ACOT7: variants seen among roughly 807,000 people sequenced by gnomAD.
ACOT7 encodes cytosolic acyl coenzyme A thioester hydrolase.
Under a neutral mutation model 40.2 loss-of-function variants are expected in ACOT7, and 12 were observed. That is an observed-to-expected ratio of 0.30 (90% CI 0.19 to 0.48). The LOEUF is 0.48. ACOT7 is among the 20% of genes least tolerant of loss of function. The probability of loss-of-function intolerance (pLI) is 0.99; values close to 1 mark genes in which losing one functional copy is unlikely to be tolerated. For missense variants in ACOT7, 395 were observed against 530.8 expected (o/e 0.74, Z 2.51); for synonymous variants, 228 against 219.5 (o/e 1.04, Z -0.34).
intron 1 of ACOT7, among the ~76,000 whole-genome samples, chr1:6,353,086 C>T (rs568549607): frequency 1.3e-4 from 20 of 152,080 alleles, no homozygotes; most frequent in African/African-American, 4.6e-4. Flanking sequence ...GCCATGTTGC[C>T]CAGGCTGTCT....
intron 2 of ACOT7, among the ~76,000 whole-genome samples, chr1:6,349,209 G>A (rs1389265465): frequency 6.6e-6 from 1 of 151,894 alleles, no homozygotes; most frequent in Non-Finnish European, 1.5e-5. Flanking sequence ...GCCCTCCCGA[G>A]CTACACAATT....
At chr1:6,326,363 C>T (rs550361267) in intron 5 of ACOT7, among the ~76,000 whole-genome samples, 17 of 152,324 alleles carry the variant, frequency 1.1e-4, no homozygotes, top group Non-Finnish European at 2.1e-4. Context: ...GGTAGAAAGT[C>T]CTTGCTTGAG....
At position 6,359,049 on chromosome 1, in the gene ACOT7, G is replaced by A. The variant is rs535543771; in HGVS notation, c.144-9183C>T. On this transcript the variant is annotated intron_variant, in intron 1 of 8. Transcript: ENST00000361521. The surrounding 1 kb of genome is among the most constrained non-coding windows in gnomAD (Gnocchi z 4.1). ...CAATCCAGAGCGTCTACCAGAAACC[G>A]GTCGTCATGGAAACCTTGCTTTATA... is the stretch of plus-strand genomic sequence containing the variant. 1.7e-4 allele frequency: 115 copies of A among 684,904 alleles called. No individual in the cohort carries two copies. The highest frequency in any genetic ancestry group is 2.4e-4 in the Non-Finnish European group (105 of 436,296). 42.4% of individuals were successfully genotyped at this position (684,904 alleles called of 1,614,324 possible). A position where few individuals can be genotyped will look rare whatever the true frequency, so the allele number is the denominator to read the frequency against.
At chr1:6,360,240 A>T (rs967121196) in intron 1 of ACOT7, among the ~76,000 whole-genome samples, 6 of 152,176 alleles carry the variant, frequency 3.9e-5, no homozygotes, top group Admixed American at 2.6e-4. Flanking sequence ...AGAGGAGAGG[A>T]TTCTAAAGGG....
rs34990815 is a variant in ACOT7 at position 6,275,716 on chromosome 1, C to CA, written c.1014+5385dup. ...TGGGCGACAGAGTGAGGCTCCGTCT[C>CA]AAAAAAAAAAAAAAAAAAAAAAAAA... is the stretch of plus-strand genomic sequence containing the variant. On this transcript the variant is annotated intron_variant, in intron 8 of 8. Coordinates refer to ENST00000361521, the MANE Select transcript of ACOT7 (RefSeq NM_007274.4). This position sits in a 1 kb window ranked among gnomAD's most constrained non-coding sequence, Gnocchi z 5.6. Among the ~76,000 whole-genome samples the CA allele has an allele frequency of 0.16, 8,898 of 54,890 alleles. 704 individuals carry two copies. The highest frequency in any genetic ancestry group is 0.17 in the Non-Finnish European group (4,822 of 27,916). 36.0% of individuals were successfully genotyped at this position (54,890 alleles called of 152,430 possible).
chr1:6,373,087 C>T (rs1183994358), intron 1 of ACOT7, among the ~76,000 whole-genome samples: 2 of 152,168 alleles, frequency 1.3e-5, no homozygotes, highest in African/African-American at 4.8e-5. Flanking sequence ...AAAACAATTA[C>T]ACTAGTAACA....
intron 4 of ACOT7, among the ~76,000 whole-genome samples, chr1:6,332,235 G>A (rs1372873120): frequency 6.6e-6 from 1 of 152,220 alleles, no homozygotes; most frequent in African/African-American, 2.4e-5. Flanking sequence ...ACACTGCAGA[G>A]ACTCAGAATC....
chr1:6,371,154 C>T (rs545723877), intron 1 of ACOT7, among the ~76,000 whole-genome samples: 1 of 152,228 alleles, frequency 6.6e-6, no homozygotes, highest in African/African-American at 2.4e-5. Context: ...AGCAGTAGGT[C>T]TCAACGGCAG....
intron 1 of ACOT7, among the ~76,000 whole-genome samples, chr1:6,383,378 G>C (rs930402518): frequency 6.6e-6 from 1 of 150,932 alleles, no homozygotes; most frequent in East Asian, 1.9e-4. Context: ...TAGTAGAGAC[G>C]GGGTTTCACC....
rs757242139 is a variant in ACOT7 at position 6,282,633 on chromosome 1, T to C, written c.830-1347A>G. 36 of 1,059,150 alleles carry C rather than the reference T, an allele frequency of 3.4e-5. No individual in the cohort carries two copies. In the Middle Eastern group the frequency reaches 1.0e-3, roughly 30 times the overall value. 65.6% of individuals were successfully genotyped at this position (1,059,150 alleles called of 1,614,324 possible). On this transcript the variant is annotated intron_variant, in intron 7 of 8. Coordinates refer to ENST00000361521, the MANE Select transcript of ACOT7 (RefSeq NM_007274.4). This position sits in a 1 kb window ranked among gnomAD's most constrained non-coding sequence, Gnocchi z 4.5. ...GAGAAAGCGGCCAGGTGGTGGCTGT[T>C]GGAGGGCGGTTAGCAGGCCAGAGGC...
chr1:6,365,446 T>C (rs1291627018), intron 1 of ACOT7, among the ~76,000 whole-genome samples: 1 of 152,056 alleles, frequency 6.6e-6, no homozygotes, highest in African/African-American at 2.4e-5. Context: ...GCATTATGCC[T>C]TAAAAAAAAG....
At chr1:6,368,230 C>T (rs981500509) in intron 1 of ACOT7, among the ~76,000 whole-genome samples, 7 of 152,174 alleles carry the variant, frequency 4.6e-5, no homozygotes, top group African/African-American at 1.2e-4. Flanking sequence ...GTCTGTCTCT[C>T]GCCACTGTTC....
intron 1 of ACOT7, among the ~76,000 whole-genome samples, chr1:6,360,236 G>T (rs1641857140): frequency 6.6e-6 from 1 of 152,262 alleles, no homozygotes; most frequent in African/African-American, 2.4e-5. Context: ...CAGCAGAGGA[G>T]AGGATTCTAA....
At chr1:6,293,537 T>C (rs1188090754) in intron 7 of ACOT7, among the ~76,000 whole-genome samples, 2 of 152,082 alleles carry the variant, frequency 1.3e-5, no homozygotes, top group Non-Finnish European at 2.9e-5. Flanking sequence ...CTACAAAAAA[T>C]ACAAAATACA....
rs534373760 is a variant in ACOT7, at chr1:6,389,291, C to T, written c.143+3966G>A. On this transcript the variant is annotated intron_variant, in intron 1 of 8. Transcript: ENST00000361521. ...GCAAGCAAAGAAAACACAAAAAAACCTTGTAGATTTCACACATCTACCTAT... is the reference window on the plus strand; with the variant it reads ...GCAAGCAAAGAAAACACAAAAAAACTTTGTAGATTTCACACATCTACCTAT... Among the ~76,000 whole-genome samples the T allele has an allele frequency of 5.3e-5, 8 of 152,196 alleles. No homozygotes were observed. In the South Asian group the frequency reaches 1.7e-3, roughly 32 times the overall value.
chr1:6,323,787 A>G (rs2148427184), intron 5 of ACOT7, among the ~76,000 whole-genome samples: 1 of 141,876 alleles, frequency 7.0e-6, no homozygotes, highest in Middle Eastern at 3.7e-3. Context: ...TTATAGCTGT[A>G]TATATTGGAC....
chr1:6,315,893 A>G (rs1292802412), intron 6 of ACOT7, among the ~76,000 whole-genome samples: 1 of 152,144 alleles, frequency 6.6e-6, no homozygotes, highest in Non-Finnish European at 1.5e-5. Context: ...ACATCTTAAC[A>G]TGTGCCTGTA....
chr1:6,267,174 C>T (rs147508783), intron 8 of ACOT7, among the ~76,000 whole-genome samples: 2,252 of 152,342 alleles, frequency 0.015, 214 homozygotes, highest in Admixed American at 0.13. Context: ...GAAGCCCCCA[C>T]CCAGCCCACA....
At chr1:6,265,645 C>T (rs969931234) in intron 8 of ACOT7, among the ~76,000 whole-genome samples, 7 of 152,190 alleles carry the variant, frequency 4.6e-5, no homozygotes, top group African/African-American at 1.7e-4. Context: ...AGGTGCCACC[C>T]CTGGAGTATT....
Sources: gnomAD v4.1 joint callset for allele counts (sites outside exome capture counted in the v4.1 genomes callset) on GRCh38, gnomAD v4.1.1 for gene constraint, Gnocchi (gnomAD v3.1) non-coding constraint, MANE v1.5 for transcripts, NCBI Gene and HGNC (gene_info 2026-07-23, HGNC 2026-07-21) for gene names.